The following ZNF525 variants were observed in gnomAD, a reference collection of about 807,000 sequenced individuals.
The protein encoded by ZNF525 is zinc finger protein 525.
A neutral mutation model predicts 37.6 loss-of-function variants in ZNF525; 33 were observed. The observed-to-expected ratio is 0.88, with a 90% confidence interval of 0.67 to 1.17. The LOEUF (loss-of-function observed/expected upper bound fraction) is 1.17. ZNF525 is among the 50% of genes most tolerant of loss of function. ZNF525 has a pLI of 0.00. For missense variants in ZNF525, 449 were observed against 543.1 expected (o/e 0.83, Z 1.72); for synonymous variants, 170 against 182.3 (o/e 0.93, Z 0.54).
At chr19:53,366,853 A>ATGGT (rs1337189613) in intron 1 of ZNF525, among the ~76,000 whole-genome samples, 3 of 151,842 alleles carry the variant, frequency 2.0e-5, no homozygotes, top group African/African-American at 7.3e-5. Flanking sequence ...AGGCGCAGAG[A>ATGGT]TGGTGTTGCG....
intron 3 of ZNF525, 96 bp downstream of exon 3, chr19:53,375,992 G>A (rs1035940557): frequency 6.9e-6 from 11 of 1,596,346 alleles, no homozygotes; most frequent in Non-Finnish European, 9.4e-6. Flanking sequence ...CTGTCCCCAA[G>A]GGTGGGGTGC....
intron 1 of ZNF525, among the ~76,000 whole-genome samples, chr19:53,369,154 A>C (rs189383306): frequency 1.3e-5 from 2 of 152,302 alleles, no homozygotes; most frequent in East Asian, 3.9e-4. Flanking sequence ...CATGAATTTT[A>C]AACTATTCAC....
At chr19:53,367,225 T>C (rs1157388591) in intron 1 of ZNF525, among the ~76,000 whole-genome samples, 1 of 152,200 alleles carries the variant, frequency 6.6e-6, no homozygotes, top group South Asian at 2.1e-4. Context: ...TCATAACTGT[T>C]CTTGAAGTGA....
At position 53,382,323 on chromosome 19, in the gene ZNF525, G is replaced by A. The variant is rs776462892; in HGVS notation, c.*304G>A. 3.8e-4 allele frequency: 513 copies of A among 1,346,574 alleles called. No homozygotes were observed. Among genetic ancestry groups the A allele is most frequent in the Non-Finnish European group, 4.9e-4 (464 of 939,036 alleles). 83.4% of individuals were successfully genotyped at this position (1,346,574 alleles called of 1,614,324 possible). A position where few individuals can be genotyped will look rare whatever the true frequency, so the allele number is the denominator to read the frequency against. ...TACTGGAGAGAAACCTTACAAATGT[G>A]AAGAATGTGATGAAACTTTCAGATA... On this transcript the variant is annotated 3_prime_UTR_variant, in exon 4 of 4. Coordinates refer to ENST00000474037, the MANE Select transcript of ZNF525 (RefSeq NM_001348156.2).
chr19:53,376,085 C>A, intron 3 of ZNF525, 189 bp downstream of exon 3: 1 of 1,237,592 alleles, frequency 8.1e-7, no homozygotes, highest in Non-Finnish European at 1.1e-6. Flanking sequence ...CGTAGTGGTA[C>A]AGGTGCATGC....
chr19:53,384,308 G>A lies in ZNF525; in HGVS notation c.*2289G>A, dbSNP rs1360044946. Reference sequence around the variant, plus strand: ...AGATCAGCCTGGACAACAGACCTGAGCCACTTTTCCCAGCCTGTTTTTTGT... The same window carrying A: ...AGATCAGCCTGGACAACAGACCTGAACCACTTTTCCCAGCCTGTTTTTTGT... On this transcript the variant is annotated 3_prime_UTR_variant, in exon 4 of 4. Coordinates refer to ENST00000474037, the MANE Select transcript of ZNF525 (RefSeq NM_001348156.2). 1 of 172,246 alleles carries A rather than the reference G, an allele frequency of 5.8e-6. No homozygotes were observed. Among genetic ancestry groups the A allele is most frequent in the Non-Finnish European group, 1.3e-5 (1 of 79,708 alleles). The allele number at this position is 172,246 out of a possible 1,614,324, so 10.7% of individuals were successfully genotyped here. A position where few individuals can be genotyped will look rare whatever the true frequency, so the allele number is the denominator to read the frequency against.
In ZNF525 at chr19:53,380,796, A is replaced by G. The variant is rs1405076189; in HGVS notation, c.217A>G (p.Thr73Ala). 24 of 1,414,290 alleles carry G rather than the reference A, an allele frequency of 1.7e-5. No individual in the cohort carries two copies. The highest frequency in any genetic ancestry group is 2.1e-5 in the Non-Finnish European group (21 of 998,112). The allele number at this position is 1,414,290 out of a possible 1,614,324, so 87.6% of individuals were successfully genotyped here. ...QGNTEVIHTG[T>A]LQRHERHHIG... ...CAATACAGAAGTGATCCACACAGGG[A>G]CATTGCAAAGACATGAACGTCATCA... Residue 73 changes from threonine (T) to alanine (A), a missense_variant, in exon 4 of 4, where the codon ACA becomes GCA. This residue lies in a region of ZNF525 where 271 missense variants were observed against 381.6 expected (regional missense o/e 0.71). Coordinates refer to ENST00000474037, the MANE Select transcript of ZNF525 (RefSeq NM_001348156.2).
In ZNF525 at chr19:53,381,867, A is replaced by G; in HGVS notation, c.1288A>G (p.Arg430Gly). ...FRFKSSLERH[R>G]RIHNGEKLYK... Reference sequence around the variant, plus strand: ...TTTCAAATCAAGTCTTGAAAGACATAGGAGAATTCATAATGGAGAGAAACT... The same window carrying G: ...TTTCAAATCAAGTCTTGAAAGACATGGGAGAATTCATAATGGAGAGAAACT... Residue 430 changes from arginine to glycine, a missense_variant, in exon 4 of 4, where the codon AGG (arginine) becomes GGG (glycine). Physicochemically the swap from Arg to Gly is moderately radical, Grantham distance 125. This residue lies in a region of ZNF525 where 178 missense variants were observed against 161.5 expected (regional missense o/e 1.10). Transcript: ENST00000474037. 1 of 1,018,174 alleles carries G rather than the reference A, an allele frequency of 9.8e-7. No homozygotes were observed. The highest frequency in any genetic ancestry group is 1.6e-6 in the Non-Finnish European group (1 of 635,320). 63.1% of individuals were successfully genotyped at this position (1,018,174 alleles called of 1,614,324 possible).
chr19:53,372,363 G>C (rs1242432581), intron 2 of ZNF525, 67 bp downstream of exon 2: 1 of 748,724 alleles, frequency 1.3e-6, no homozygotes, highest in Non-Finnish European at 2.4e-6. Flanking sequence ...TTGGAGTTGG[G>C]AATCTTCTAA....
At chr19:53,366,401 C>A (rs930806115) in intron 1 of ZNF525, among the ~76,000 whole-genome samples, 3 of 151,566 alleles carry the variant, frequency 2.0e-5, no homozygotes, top group Non-Finnish European at 4.4e-5. Flanking sequence ...CCAAACCCTC[C>A]TGTGATTGTG....
Position 53,383,165 on chromosome 19 carries a change from T to C in ZNF525, c.*1146T>C. The stretch of plus-strand genomic sequence containing the variant: ...AGAGAAACATTACAAGTGTAATGAG[T>C]GTGGCAAGACCTACTCTCACAATTC... On this transcript the variant is annotated 3_prime_UTR_variant, in exon 4 of 4. Coordinates refer to ENST00000474037, the MANE Select transcript of ZNF525 (RefSeq NM_001348156.2). 7.5e-7 allele frequency: 1 copy of C among 1,336,326 alleles called. No individual in the cohort carries two copies. Among genetic ancestry groups the C allele is most frequent in the Non-Finnish European group, 1.1e-6 (1 of 948,814 alleles). 82.8% of individuals were successfully genotyped at this position (1,336,326 alleles called of 1,614,324 possible). A position where few individuals can be genotyped will look rare whatever the true frequency, so the allele number is the denominator to read the frequency against.
In ZNF525 at chr19:53,369,753, G is replaced by A. The variant is rs1419640558; in HGVS notation, c.-67-2462G>A. Among the ~76,000 whole-genome samples, 21 of 102,262 alleles carry A rather than the reference G, an allele frequency of 2.1e-4. 2 individuals carry two copies. The highest frequency in any genetic ancestry group is 3.4e-4 in the Non-Finnish European group (19 of 55,342). 67.1% of individuals were successfully genotyped at this position (102,262 alleles called of 152,430 possible). On this transcript the variant is annotated intron_variant, in intron 1 of 3. Transcript: ENST00000474037. ...TTTTTTTTTTTTTTTTTGAGACGGA[G>A]TCTCGCTGTCACCCAGGCTGGAGTG...
chr19:53,383,108 C>T lies in ZNF525; in HGVS notation c.*1089C>T. The T allele has an allele frequency of 1.5e-6, 2 of 1,331,390 alleles. No homozygotes were observed. Among genetic ancestry groups the T allele is most frequent in the Non-Finnish European group, 2.1e-6 (2 of 941,060 alleles). 82.5% of individuals were successfully genotyped at this position (1,331,390 alleles called of 1,614,324 possible). A position where few individuals can be genotyped will look rare whatever the true frequency, so the allele number is the denominator to read the frequency against. The stretch of plus-strand genomic sequence containing the variant: ...TGGCGAGGTTTTTAATCAACAAGCA[C>T]ACCTTGCACGTCATCATAGAACTCA... On this transcript the variant is annotated 3_prime_UTR_variant, in exon 4 of 4. Coordinates refer to ENST00000474037, the MANE Select transcript of ZNF525 (RefSeq NM_001348156.2).
intron 1 of ZNF525, among the ~76,000 whole-genome samples, chr19:53,369,245 G>A (rs1002971038): frequency 6.7e-6 from 1 of 149,048 alleles, no homozygotes; most frequent in African/African-American, 2.5e-5. Flanking sequence ...CTATGTACAA[G>A]TTCTTTTTTT....
Position 53,384,867 on chromosome 19 carries a change from A to C in ZNF525, c.*2848A>C. On this transcript the variant is annotated 3_prime_UTR_variant, in exon 4 of 4. Coordinates refer to ENST00000474037, the MANE Select transcript of ZNF525 (RefSeq NM_001348156.2). ...GCATTCTTGCATCATGTGAGATCGT[A>C]CAGGAAAGCATTCCATTTTCCCTGC... The C allele has an allele frequency of 5.9e-6, 4 of 683,420 alleles. No homozygotes were observed. In the South Asian group the frequency reaches 6.3e-5, roughly 11 times the overall value. The allele number at this position is 683,420 out of a possible 1,614,324, so 42.3% of individuals were successfully genotyped here. A position where few individuals can be genotyped will look rare whatever the true frequency, so the allele number is the denominator to read the frequency against.
rs2085579977 is a variant in ZNF525, at chr19:53,383,152, C to T, written c.*1133C>T. 1 of 1,324,304 alleles carries T rather than the reference C, an allele frequency of 7.6e-7. No homozygotes were observed. The highest frequency in any genetic ancestry group is 1.1e-6 in the Non-Finnish European group (1 of 939,724). 82.0% of individuals were successfully genotyped at this position (1,324,304 alleles called of 1,614,324 possible). Reference sequence around the variant, plus strand: ...GAACTCATACTGGAGAGAAACATTACAAGTGTAATGAGTGTGGCAAGACCT... The same window carrying T: ...GAACTCATACTGGAGAGAAACATTATAAGTGTAATGAGTGTGGCAAGACCT... On this transcript the variant is annotated 3_prime_UTR_variant, in exon 4 of 4. Coordinates refer to ENST00000474037, the MANE Select transcript of ZNF525 (RefSeq NM_001348156.2).
intron 2 of ZNF525, among the ~76,000 whole-genome samples, chr19:53,374,524 G>C (rs369785868): frequency 5.9e-5 from 9 of 152,272 alleles, no homozygotes; most frequent in African/African-American, 1.9e-4. Flanking sequence ...CTTCTTCTAG[G>C]ATGGGGCATT....
At chr19:53,375,697 C>G (rs1196027048) in intron 2 of ZNF525, 73 bp from the exon 3 acceptor site, 3 of 1,613,256 alleles carry the variant, frequency 1.9e-6, no homozygotes, top group Non-Finnish European at 2.5e-6. Context: ...TTTCCCCTCT[C>G]TCCTCTTCTC....
rs868770350 is a variant in ZNF525, at chr19:53,373,655, A to T, written c.15+1359A>T. 4.7e-5 allele frequency among the ~76,000 whole-genome samples: 7 copies of T among 149,568 alleles called. No individual in the cohort carries two copies. The South Asian group carries it at 6.4e-4, about 14-fold the overall frequency. On this transcript the variant is annotated intron_variant, in intron 2 of 3. Transcript: ENST00000474037. ...GAAAAATTCTGCAGTAAATTACAAA[A>T]TTTTTTTTTTACAAAAATTAACCAG...
Sources: allele counts gnomAD v4.1 joint callset (sites outside exome capture counted in the v4.1 genomes callset), GRCh38; gene constraint gnomAD v4.1.1; regional missense constraint gnomAD v4.1.1; transcripts MANE v1.5; gene names NCBI Gene and HGNC (gene_info 2026-07-23, HGNC 2026-07-21).